The following TMTC2 variants were observed in gnomAD, a reference collection of about 807,000 sequenced individuals.
TMTC2 encodes protein O-mannosyl-transferase TMTC2.
In TMTC2, 43 loss-of-function variants were observed where a neutral mutation model predicts 82.4. The observed-to-expected ratio is 0.52, with a 90% CI of 0.41 to 0.67. The LOEUF is 0.67. Ranked by LOEUF, TMTC2 falls within the 30% of genes least tolerant of loss-of-function variation. The probability of loss-of-function intolerance (pLI) is 0.00; values close to 1 mark genes in which losing one functional copy is unlikely to be tolerated. For synonymous variants in TMTC2, 408 were observed against 381.9 expected (o/e 1.07, Z -0.80); for missense variants, 919 against 1,012.4 (o/e 0.91, Z 1.25).
intron 1 of TMTC2, among the ~76,000 whole-genome samples, chr12:82,708,935 ATTT>A (rs1411217898): frequency 6.6e-6 from 1 of 151,042 alleles, no homozygotes; most frequent in African/African-American, 2.4e-5. Flanking sequence ...ACTGGTCCTG[ATTT>A]TCTGTGATTG....
intron 3 of TMTC2, among the ~76,000 whole-genome samples, chr12:82,896,943 G>T (rs933167537): frequency 6.6e-6 from 1 of 152,152 alleles, no homozygotes; most frequent in Non-Finnish European, 1.5e-5. Flanking sequence ...ATTTAGAAAA[G>T]AGCTTGGTTT....
At chr12:82,775,754 A>G (rs11115414) in intron 1 of TMTC2, among the ~76,000 whole-genome samples, 1 of 152,020 alleles carries the variant, frequency 6.6e-6, no homozygotes, top group African/African-American at 2.4e-5. Flanking sequence ...AATGATGCTC[A>G]TATTTCTTCC....
chr12:83,001,933 C>T (rs141583991), intron 8 of TMTC2, among the ~76,000 whole-genome samples: 32 of 152,156 alleles, frequency 2.1e-4, no homozygotes, highest in African/African-American at 7.2e-4. Context: ...ATTATTGACT[C>T]GAAGTTTTCT....
intron 1 of TMTC2, among the ~76,000 whole-genome samples, chr12:82,839,688 C>A (rs1011067119): frequency 9.9e-5 from 15 of 152,110 alleles, no homozygotes; most frequent in African/African-American, 3.6e-4. Flanking sequence ...TTATTAGAAT[C>A]GATTATCTTT....
At chr12:82,724,380 TG>T (rs1024926688) in intron 1 of TMTC2, among the ~76,000 whole-genome samples, 150 of 152,244 alleles carry the variant, frequency 9.9e-4, no homozygotes, top group African/African-American at 3.4e-3. Flanking sequence ...TAACCCCCCG[TG>T]TTGAGGGAGG....
chr12:82,945,368 A>T (rs1006933161), intron 4 of TMTC2, among the ~76,000 whole-genome samples: 1 of 152,220 alleles, frequency 6.6e-6, no homozygotes, highest in East Asian at 1.9e-4. Context: ...TCTCATTAAA[A>T]GGCCTTTAAT....
intron 9 of TMTC2, among the ~76,000 whole-genome samples, chr12:83,034,507 C>T (rs907218137): frequency 1.2e-4 from 18 of 152,000 alleles, no homozygotes; most frequent in African/African-American, 4.1e-4. Context: ...CTGAGTGTAC[C>T]GGAAGGGACC....
intron 2 of TMTC2, among the ~76,000 whole-genome samples, chr12:82,888,536 C>A: frequency 6.6e-6 from 1 of 152,194 alleles, no homozygotes; most frequent in East Asian, 1.9e-4. Flanking sequence ...CATCTTCCTA[C>A]CTCAGCCTCC....
intron 9 of TMTC2, among the ~76,000 whole-genome samples, chr12:83,034,965 A>G (rs1324647414): frequency 6.6e-6 from 1 of 152,236 alleles, no homozygotes; most frequent in Non-Finnish European, 1.5e-5. Context: ...TGAATGAATA[A>G]TAACACTTCC....
chr12:82,987,419 CA>C (rs1236293175), intron 8 of TMTC2, among the ~76,000 whole-genome samples: 87 of 35,578 alleles, frequency 2.4e-3, no homozygotes, highest in Middle Eastern at 0.013. Flanking sequence ...GACTCCATCT[CA>C]AAAAAAAAAA....
At chr12:82,728,627 G>A (rs774336935) in intron 1 of TMTC2, among the ~76,000 whole-genome samples, 13 of 152,202 alleles carry the variant, frequency 8.5e-5, no homozygotes, top group African/African-American at 1.4e-4. Flanking sequence ...CACAGCCCTC[G>A]CTTGCTCTGG....
intron 1 of TMTC2, among the ~76,000 whole-genome samples, chr12:82,851,224 G>C (rs1402667919): frequency 6.6e-6 from 1 of 152,024 alleles, no homozygotes; most frequent in Non-Finnish European, 1.5e-5. Flanking sequence ...GAGGTCAGGA[G>C]TTCGAGACCA....
At chr12:82,971,132 T>C (rs2137313108) in intron 7 of TMTC2, among the ~76,000 whole-genome samples, 1 of 152,212 alleles carries the variant, frequency 6.6e-6, no homozygotes, top group South Asian at 2.1e-4. Context: ...AAATAATCTC[T>C]TTAATAAGAT....
At chr12:82,758,057 G>A (rs753741642) in intron 1 of TMTC2, among the ~76,000 whole-genome samples, 1 of 152,034 alleles carries the variant, frequency 6.6e-6, no homozygotes, top group Non-Finnish European at 1.5e-5. Context: ...GTGTGGTCCT[G>A]TTATCACTTA....
chr12:82,801,814 T>C (rs1879019953), intron 1 of TMTC2, among the ~76,000 whole-genome samples: 1 of 152,046 alleles, frequency 6.6e-6, no homozygotes, highest in African/African-American at 2.4e-5. Context: ...GGAGTGTCGA[T>C]TGGTGCATTC....
Position 83,009,990 on chromosome 12 carries a change from A to G in TMTC2, c.2071-20808A>G, listed in dbSNP as rs571080385. ...ATCTGACAGGAGATGGAGCTCAAGT[A>G]GTAATGTGAGTGATGGGGAGCAGCT... On this transcript the variant is annotated intron_variant, in intron 8 of 11. Coordinates refer to ENST00000321196, the MANE Select transcript of TMTC2 (RefSeq NM_152588.3). 5.9e-5 allele frequency among the ~76,000 whole-genome samples: 9 copies of G among 152,324 alleles called. No homozygotes were observed. In the South Asian group the frequency reaches 1.7e-3, roughly 28 times the overall value.
chr12:82,911,216 G>A lies in TMTC2; in HGVS notation c.1483+14570G>A, dbSNP rs187259678. Among the ~76,000 whole-genome samples, 161 of 152,102 alleles carry A rather than the reference G, an allele frequency of 1.1e-3. 2 individuals are homozygous for A. The highest frequency in any genetic ancestry group is 8.2e-3 in the Admixed American group (126 of 15,288). On this transcript the variant is annotated intron_variant, in intron 3 of 11. Transcript: ENST00000321196. ...TTTACAGCCCCAGGGTTTGGGTGTG[G>A]GGGGGCCAGGGTGGTCTTGGAAAAT...
intron 10 of TMTC2, among the ~76,000 whole-genome samples, chr12:83,058,544 C>T (rs1160778225): frequency 3.9e-5 from 6 of 151,928 alleles, no homozygotes; most frequent in African/African-American, 1.2e-4. Context: ...CCGTCTGAGT[C>T]TCCAGTTGTT....
intron 1 of TMTC2, among the ~76,000 whole-genome samples, chr12:82,747,071 T>C (rs1669134781): frequency 1.3e-5 from 2 of 152,228 alleles, no homozygotes; most frequent in Admixed American, 6.5e-5. Context: ...ACCTGAGTTA[T>C]TGCTGAGTTT....
Sources: gnomAD v4.1 joint callset for allele counts (sites outside exome capture counted in the v4.1 genomes callset) on GRCh38, gnomAD v4.1.1 for gene constraint, MANE v1.5 for transcripts, NCBI Gene and HGNC (gene_info 2026-07-23, HGNC 2026-07-21) for gene names.